PACRG: variants seen among roughly 807,000 people sequenced by gnomAD.
PACRG encodes parkin coregulated gene protein.
A neutral mutation model predicts 29.7 loss-of-function variants in PACRG; 29 were observed. That is an observed-to-expected ratio of 0.98 (90% CI 0.73 to 1.33). PACRG has a LOEUF of 1.33. Among genes scored for constraint, PACRG ranks in the 40% most tolerant of loss-of-function variants. The pLI is 0.00. For synonymous variants in PACRG, 116 were observed against 118.7 expected, an observed-to-expected ratio of 0.98 and a Z score of 0.15; for missense variants, 279 against 316.2, an observed-to-expected ratio of 0.88 and a Z score of 0.89.
chr6:163,145,467 A>G (rs1777756273), intron 4 of PACRG, among the ~76,000 whole-genome samples: 1 of 152,176 alleles, frequency 6.6e-6, no homozygotes, highest in South Asian at 2.1e-4. Flanking sequence ...TAATTCTGCA[A>G]TCATTAGGTT....
intron 2 of PACRG, among the ~76,000 whole-genome samples, chr6:162,952,222 G>C (rs1413732346): frequency 1.3e-5 from 2 of 152,054 alleles, no homozygotes; most frequent in Non-Finnish European, 2.9e-5. Context: ...CAGTGCTAAA[G>C]GAAAAATGGA....
chr6:162,915,413 C>A (rs1796632708), intron 2 of PACRG, among the ~76,000 whole-genome samples: 1 of 151,732 alleles, frequency 6.6e-6, no homozygotes, highest in African/African-American at 2.4e-5. Context: ...TTTAGAAATA[C>A]AAAATTATTC....
chr6:163,217,243 T>TA (rs1284875662), intron 4 of PACRG, among the ~76,000 whole-genome samples: 1 of 152,128 alleles, frequency 6.6e-6, no homozygotes, highest in Non-Finnish European at 1.5e-5. Flanking sequence ...GCCCAAAGGC[T>TA]AAAACAAGCT....
intron 4 of PACRG, among the ~76,000 whole-genome samples, chr6:163,169,076 G>A (rs546083809): frequency 6.6e-6 from 1 of 152,338 alleles, no homozygotes; most frequent in African/African-American, 2.4e-5. Context: ...TTAGTTCTTA[G>A]TTTTCCTCTA....
At chr6:162,755,091 A>G (rs1781800748) in intron 1 of PACRG, among the ~76,000 whole-genome samples, 1 of 152,084 alleles carries the variant, frequency 6.6e-6, no homozygotes, top group African/African-American at 2.4e-5. Context: ...AATTTTTCAT[A>G]CTGGTTTCTT....
intron 2 of PACRG, among the ~76,000 whole-genome samples, chr6:162,944,628 T>C (rs887007354): frequency 6.6e-6 from 1 of 152,070 alleles, no homozygotes; most frequent in Non-Finnish European, 1.5e-5. Flanking sequence ...ATAGATATTA[T>C]AAAAAGCATC....
intron 1 of PACRG, among the ~76,000 whole-genome samples, chr6:162,741,910 G>C (rs1321883408): frequency 6.6e-6 from 1 of 152,102 alleles, no homozygotes; most frequent in African/African-American, 2.4e-5. Flanking sequence ...TTTTTTTGCA[G>C]TGAGAACAGT....
chr6:163,288,307 G>A (rs180855634), intron 4 of PACRG, among the ~76,000 whole-genome samples: 9 of 152,252 alleles, frequency 5.9e-5, no homozygotes, highest in Admixed American at 3.9e-4. Flanking sequence ...CTCCGTGTGC[G>A]TGGTATTCTG....
At chr6:162,924,183 CAGTT>C (rs1256063452) in intron 2 of PACRG, among the ~76,000 whole-genome samples, 1 of 151,734 alleles carries the variant, frequency 6.6e-6, no homozygotes, top group Non-Finnish European at 1.5e-5. Context: ...GTTTCTTTTT[CAGTT>C]AGTTTGTTTT....
At chr6:163,116,236 C>G (rs1320180237) in intron 4 of PACRG, among the ~76,000 whole-genome samples, 1 of 152,118 alleles carries the variant, frequency 6.6e-6, no homozygotes, top group Non-Finnish European at 1.5e-5. Flanking sequence ...AGAAGCAGGC[C>G]CGTCTTACAT....
At chr6:162,906,375 T>C (rs2128067677) in intron 2 of PACRG, among the ~76,000 whole-genome samples, 1 of 152,306 alleles carries the variant, frequency 6.6e-6, no homozygotes, top group Non-Finnish European at 1.5e-5. Flanking sequence ...GTTTTAGAAA[T>C]TTCTTTGACA....
At chr6:162,920,756 C>T (rs1365219406) in intron 2 of PACRG, among the ~76,000 whole-genome samples, 1 of 152,150 alleles carries the variant, frequency 6.6e-6, no homozygotes, top group East Asian at 1.9e-4. Flanking sequence ...CTGTCACTTT[C>T]AGTAGAGTAC....
intron 4 of PACRG, chr6:163,112,006 A>G: frequency 1.1e-6 from 1 of 923,514 alleles, no homozygotes; most frequent in South Asian, 5.0e-5. Context: ...CTAGGTTTTC[A>G]CTTGATTTGC....
At chr6:162,771,826 T>C (rs1783244590) in intron 1 of PACRG, among the ~76,000 whole-genome samples, 1 of 152,190 alleles carries the variant, frequency 6.6e-6, no homozygotes, top group South Asian at 2.1e-4. Context: ...AATTAAATAT[T>C]TGTTGATCAT....
At chr6:162,779,911 A>G (rs1180560515) in intron 1 of PACRG, among the ~76,000 whole-genome samples, 2 of 152,196 alleles carry the variant, frequency 1.3e-5, no homozygotes, top group African/African-American at 2.4e-5. Context: ...GAGACCTACA[A>G]TTGCCTCAAC....
At chr6:162,810,946 A>G (rs1220648575) in intron 1 of PACRG, among the ~76,000 whole-genome samples, 9 of 152,210 alleles carry the variant, frequency 5.9e-5, no homozygotes, top group Admixed American at 2.6e-4. Context: ...AAGTTGAACA[A>G]ACTTCAAACA....
intron 2 of PACRG, among the ~76,000 whole-genome samples, chr6:162,890,423 T>TA (rs1399908899): frequency 6.6e-6 from 1 of 152,106 alleles, no homozygotes; most frequent in East Asian, 1.9e-4. Flanking sequence ...AATGCTCCAT[T>TA]AAAAAAAGAA....
intron 4 of PACRG, among the ~76,000 whole-genome samples, chr6:163,169,265 G>A (rs972007404): frequency 2.0e-5 from 3 of 152,218 alleles, no homozygotes; most frequent in African/African-American, 7.2e-5. Context: ...GGTTCATGGA[G>A]TCACATTTGA....
chr6:162,914,685 A>G (rs956348964), intron 2 of PACRG, among the ~76,000 whole-genome samples: 2 of 150,782 alleles, frequency 1.3e-5, no homozygotes, highest in South Asian at 4.2e-4. Flanking sequence ...GTTCCAATCC[A>G]TGATTCTGGC....
Sources: gnomAD v4.1 joint callset for allele counts (sites outside exome capture counted in the v4.1 genomes callset) on GRCh38, gnomAD v4.1.1 for gene constraint, MANE v1.5 for transcripts, NCBI Gene and HGNC (gene_info 2026-07-23, HGNC 2026-07-21) for gene names.